Variants in ZNF839 observed in about 807,000 individuals in gnomAD.
ZNF839 encodes the protein zinc finger protein 839.
A neutral mutation model predicts 56.4 loss-of-function variants in ZNF839; 38 were observed. The ratio of observed to expected loss-of-function variants is 0.67; its 90% CI spans 0.52 to 0.88. The LOEUF (loss-of-function observed/expected upper bound fraction) is 0.88, where lower values mean the gene tolerates loss of function less well. ZNF839 is among the 40% of genes least tolerant of loss of function. The pLI is 0.00. For missense variants in ZNF839, 1,091 were observed against 1,177.6 expected, an observed-to-expected ratio of 0.93 and a Z score of 1.08; for synonymous variants, 486 against 493.5, an observed-to-expected ratio of 0.98 and a Z score of 0.20.
At chr14:102,330,622 C>T (rs758866535) in intron 2 of ZNF839, among the ~76,000 whole-genome samples, 2 of 151,352 alleles carry the variant, frequency 1.3e-5, no homozygotes, top group Non-Finnish European at 2.9e-5. Flanking sequence ...GCAACCTCCA[C>T]CTCCTGGGTT....
chr14:102,318,586 TTG>T (rs2072967770), upstream of ZNF839, among the ~76,000 whole-genome samples: 1 of 151,842 alleles, frequency 6.6e-6, no homozygotes, highest in Non-Finnish European at 1.5e-5. Flanking sequence ...TGAGCTGAGA[TTG>T]TGCCACTGCA....
chr14:102,320,366 C>T (rs186224793), intron 1 of ZNF839, among the ~76,000 whole-genome samples: 2 of 152,304 alleles, frequency 1.3e-5, no homozygotes, highest in Non-Finnish European at 2.9e-5. Context: ...GGCCTTTCAC[C>T]GCTGGTTCAG....
chr14:102,338,682 G>A, intron 5 of ZNF839, 134 bp from the exon 6 acceptor site: 1 of 1,182,916 alleles, frequency 8.5e-7, no homozygotes, highest in Non-Finnish European at 1.2e-6. Context: ...TCATTGTTGA[G>A]ATGGCATCTC....
At chr14:102,336,192 CA>C (rs200609836) in intron 5 of ZNF839, among the ~76,000 whole-genome samples, 3,813 of 123,622 alleles carry the variant, frequency 0.031, 80 homozygotes, top group South Asian at 0.095. Flanking sequence ...AAAACAAAAC[CA>C]AAAAAAAAAA....
chr14:102,337,578 A>C (rs1885929520), intron 5 of ZNF839: 2 of 152,152 alleles, frequency 1.3e-5, no homozygotes, highest in South Asian at 4.1e-4. Context: ...TGAGTTTAGC[A>C]AGTGTGGGTA....
chr14:102,320,117 G>T, intron 1 of ZNF839, 64 bp downstream of exon 1: 1 of 1,112,858 alleles, frequency 9.0e-7, no homozygotes, highest in Non-Finnish European at 1.1e-6. Flanking sequence ...CCGCGGCGGG[G>T]TAGCTGCTTG....
upstream of ZNF839, among the ~76,000 whole-genome samples, chr14:102,318,333 T>C (rs1388695387): frequency 6.6e-6 from 1 of 152,160 alleles, no homozygotes; most frequent in South Asian, 2.1e-4. Context: ...GCAGAAGGCA[T>C]GTGAATTCCT....
intron 2 of ZNF839, 114 bp from the exon 3 acceptor site, chr14:102,331,508 C>T (rs1168649923): frequency 1.3e-5 from 12 of 918,700 alleles, no homozygotes; most frequent in Non-Finnish European, 1.8e-5. Context: ...CCTTGGGCTC[C>T]CAAAGTGCTG....
At chr14:102,325,714 C>T (rs2073373799) in intron 1 of ZNF839, among the ~76,000 whole-genome samples, 1 of 152,020 alleles carries the variant, frequency 6.6e-6, no homozygotes, top group African/African-American at 2.4e-5. Flanking sequence ...AGGTTGGTCT[C>T]GAACTCCTGA....
chr14:102,339,308 T>C, intron 7 of ZNF839, 85 bp downstream of exon 7: 2 of 1,512,186 alleles, frequency 1.3e-6, no homozygotes, highest in Admixed American at 4.5e-5. Flanking sequence ...ATTGCCATTT[T>C]TCAGGTTGGG....
rs561077533 is a variant in ZNF839 at position 102,341,488 on chromosome 14, G to A, written c.2093G>A (p.Arg698Gln). Residue 698 changes from arginine to glutamine, a missense_variant, in exon 8 of 8, where the codon CGG becomes CAG. By Grantham distance (43) the Arg-to-Gln change is conservative (BLOSUM62 1). Coordinates refer to ENST00000442396, the MANE Select transcript of ZNF839 (RefSeq NM_018335.6). ...TCTATAGGTGCTGCTCTCTCATCCC[G>A]GGATGTCAGTGGGCTGCCTGTTTAT... ...RGSIGAALSSRDVSGLPVYAQ... is the reference protein window; with the variant it reads ...RGSIGAALSSQDVSGLPVYAQ... 20 of 1,597,678 alleles carry A rather than the reference G, an allele frequency of 1.3e-5. No individual in the cohort carries two copies. Among genetic ancestry groups the A allele is most frequent in the East Asian group, 2.2e-5 (1 of 44,600 alleles).
At chr14:102,324,999 A>G (rs2073333790) in intron 1 of ZNF839, among the ~76,000 whole-genome samples, 1 of 152,122 alleles carries the variant, frequency 6.6e-6, no homozygotes, top group South Asian at 2.1e-4. Context: ...GAAGGCTCTT[A>G]TCTCTTCACT....
Position 102,326,020 on chromosome 14 carries a change from A to C in ZNF839, c.324A>C (p.Gly108=), listed in dbSNP as rs376888726. ...CCATTTGTGTCAAGGTAACGTCTGG[A>C]GAAACAAAAGGTCAGGAAAGGCCAA... ...LEAICVKVTS[G]ETKGQERPML... is the part of the protein sequence containing the mutation. Residue 108 remains glycine, a synonymous_variant, in exon 2 of 8, where the codon GGA becomes GGC. Transcript: ENST00000442396. The surrounding 1 kb of genome is among the most constrained non-coding windows in gnomAD (Gnocchi z 4.3). The C allele has an allele frequency of 5.3e-5, 86 of 1,613,242 alleles. 1 individual carries two copies. The African/African-American group carries it at 1.1e-3, about 21-fold the overall frequency.
At chr14:102,339,372 C>T in intron 7 of ZNF839, 149 bp downstream of exon 7, 1 of 1,137,460 alleles carries the variant, frequency 8.8e-7, no homozygotes, top group South Asian at 1.6e-5. Flanking sequence ...TCATTCCAGC[C>T]TCCCAGTGTT....
rs770786436 is a variant in ZNF839 at position 102,331,835 on chromosome 14, A to AGGCTC, written c.1406_1410dup (p.Lys471GlyfsTer26). 6.4e-7 allele frequency: 1 copy of AGGCTC among 1,563,228 alleles called. No homozygotes were observed. Among genetic ancestry groups the AGGCTC allele is most frequent in the African/African-American group, 1.4e-5 (1 of 74,002 alleles). ...GCAGAGGGCGTCGCCAAGCAAAGCC[A>AGGCTC]GGCTCAAGGAGGTACCTCACTCTTA... On this transcript the variant is annotated frameshift_variant, in exon 3 of 8. Coordinates refer to ENST00000442396, the MANE Select transcript of ZNF839 (RefSeq NM_018335.6). LOFTEE classifies it high-confidence loss of function.
rs771878103 is a variant in ZNF839, at chr14:102,326,842, G to T, written c.1146G>T (p.Gly382=). 2.5e-6 allele frequency: 4 copies of T among 1,609,194 alleles called. No individual in the cohort carries two copies. The highest frequency in any genetic ancestry group is 3.4e-6 in the Non-Finnish European group (4 of 1,177,352). ...LSMPADPCEG[G]ARSCLVTESA... is the part of the protein sequence containing the mutation. ...TGCCAGCGGATCCATGTGAGGGAGG[G>T]GCCCGCTCCTGCTTGGTGACAGAGT... The change falls in exon 2 of 8, where the codon GGG becomes GGT. Residue 382 remains glycine, a synonymous_variant. Coordinates refer to ENST00000442396, the MANE Select transcript of ZNF839 (RefSeq NM_018335.6). This position sits in a 1 kb window ranked among gnomAD's most constrained non-coding sequence, Gnocchi z 4.3.
chr14:102,329,479 G>C (rs552076668), intron 2 of ZNF839, among the ~76,000 whole-genome samples: 1 of 151,768 alleles, frequency 6.6e-6, no homozygotes, highest in Non-Finnish European at 1.5e-5. Context: ...CTGCCCCCTC[G>C]TTTCAAGCAA....
intron 2 of ZNF839, among the ~76,000 whole-genome samples, chr14:102,328,454 T>C (rs1245463126): frequency 7.6e-6 from 1 of 132,272 alleles, no homozygotes; most frequent in Admixed American, 8.3e-5. Context: ...ACACATAGCA[T>C]GACATGTACC....
chr14:102,340,978 A>AGAATTGCTTG (rs2139604177), intron 7 of ZNF839: 1 of 159,722 alleles, frequency 6.3e-6, no homozygotes, highest in South Asian at 2.1e-4. Flanking sequence ...CTAAGGCAGG[A>AGAATTGCTTG]GAATTGCTTG....
Sources: allele counts gnomAD v4.1 joint callset (sites outside exome capture counted in the v4.1 genomes callset), GRCh38; gene constraint gnomAD v4.1.1; non-coding constraint Gnocchi (gnomAD v3.1); transcripts MANE v1.5; gene names NCBI Gene and HGNC (gene_info 2026-07-23, HGNC 2026-07-21).